The following HHLA1 variants were observed in gnomAD, a reference collection of about 807,000 sequenced individuals.
HHLA1 encodes HERV-H LTR-associating protein 1.
A neutral mutation model predicts 69.9 loss-of-function variants in HHLA1; 72 were observed. That is an observed-to-expected ratio of 1.03 (90% confidence interval 0.85 to 1.25). The LOEUF is 1.25. Among genes scored for constraint, HHLA1 ranks in the 50% most tolerant of loss-of-function variants. HHLA1 has a pLI of 0.00. For synonymous variants in HHLA1, 252 were observed against 233.2 expected (o/e 1.08, Z -0.73); for missense variants, 685 against 642.2 (o/e 1.07, Z -0.72).
chr8:132,065,854 A>G, intron 16 of HHLA1, 32 bp downstream of exon 16: 1 of 1,138,518 alleles, frequency 8.8e-7, no homozygotes, highest in Non-Finnish European at 1.2e-6. Flanking sequence ...CATTCACTGC[A>G]AAGTTACAAC....
intron 3 of HHLA1, chr8:132,101,129 T>C: frequency 1.3e-6 from 2 of 1,512,242 alleles, no homozygotes; most frequent in Middle Eastern, 1.7e-4. Flanking sequence ...GAGAAGGTGC[T>C]GTATTTTACA....
rs979062628 is a variant in HHLA1, at chr8:132,077,710, G to A, written c.1171+16C>T. On this transcript the variant is annotated intron_variant, in intron 12 of 16. Coordinates refer to ENST00000414222, the MANE Select transcript of HHLA1 (RefSeq NM_001145095.3). The stretch of plus-strand genomic sequence containing the variant: ...AATTTAAAACGGGAGAGGTAGAAGT[G>A]AGCACCCTCTCTTACCCAAGGTAGG... 3 of 1,550,052 alleles carry A rather than the reference G, an allele frequency of 1.9e-6. No homozygotes were observed. The highest frequency in any genetic ancestry group is 1.4e-5 in the African/African-American group (1 of 73,016).
chr8:132,106,500 T>C (rs1824204097), intron 1 of HHLA1, among the ~76,000 whole-genome samples: 1 of 152,234 alleles, frequency 6.6e-6, no homozygotes, highest in African/African-American at 2.4e-5. Context: ...GGTTACTCTC[T>C]GAATACCAAT....
At chr8:132,076,835 G>GA (rs1823654110) in intron 12 of HHLA1, among the ~76,000 whole-genome samples, 1 of 152,116 alleles carries the variant, frequency 6.6e-6, no homozygotes, top group African/African-American at 2.4e-5. Context: ...TGTTGTACAG[G>GA]AAGTGTCCAA....
At chr8:132,085,423 G>A (rs1365963735) in intron 10 of HHLA1, 1 of 379,918 alleles carries the variant, frequency 2.6e-6, no homozygotes, top group Non-Finnish European at 5.3e-6. Context: ...AAATTGGTGA[G>A]ATGTTTCTTG....
chr8:132,064,135 C>T (rs1823396386), intron 16 of HHLA1, 97 bp from the exon 17 acceptor site: 4 of 683,714 alleles, frequency 5.9e-6, no homozygotes, highest in Non-Finnish European at 8.7e-6. Flanking sequence ...AAGGGTCTAG[C>T]CTCTTCCGGA....
chr8:132,104,094 T>C lies in HHLA1; in HGVS notation c.139+14A>G, dbSNP rs1293419372. On this transcript the variant is annotated intron_variant, in intron 3 of 16. Transcript: ENST00000414222. ...GAACAGTGAGCTGAAAAGGAGCCCT[T>C]ATCACCCACTTACCTGTTGTAGGTA... 8 of 1,545,592 alleles carry C rather than the reference T, an allele frequency of 5.2e-6. No individual in the cohort carries two copies. In the Admixed American group the frequency reaches 9.8e-5, roughly 19 times the overall value.
intron 12 of HHLA1, 114 bp from the exon 13 acceptor site, chr8:132,076,657 A>G: frequency 1.8e-6 from 1 of 562,024 alleles, no homozygotes; most frequent in Admixed American, 3.9e-5. Flanking sequence ...TAAGCCAGGT[A>G]CCAGGCAGGG....
intron 11 of HHLA1, 114 bp from the exon 12 acceptor site, chr8:132,078,085 G>C: frequency 9.1e-7 from 1 of 1,095,834 alleles, no homozygotes; most frequent in Non-Finnish European, 1.3e-6. Context: ...ATGTGAACGT[G>C]TAATATAAGT....
chr8:132,087,937 A>C (rs1563745839), intron 8 of HHLA1, 36 bp from the exon 9 acceptor site: 20 of 1,461,042 alleles, frequency 1.4e-5, no homozygotes, highest in Non-Finnish European at 1.9e-5. Context: ...AGACTTAGCC[A>C]TGGGTCTGAA....
Position 132,078,581 on chromosome 8 carries a change from A to G in HHLA1, c.926-610T>C, listed in dbSNP as rs73353152. Among the ~76,000 whole-genome samples, 864 of 152,148 alleles carry G rather than the reference A, an allele frequency of 5.7e-3. 8 individuals are homozygous for G. Among genetic ancestry groups the G allele is most frequent in the African/African-American group, 0.02 (832 of 41,492 alleles). On this transcript the variant is annotated intron_variant, in intron 11 of 16. Transcript: ENST00000414222. Reference sequence around the variant, plus strand: ...TTTCCTTGCCTGCTGACACCTATCAATTCTTATCTCTTGGGGAAGCCTGTG... The same window carrying G: ...TTTCCTTGCCTGCTGACACCTATCAGTTCTTATCTCTTGGGGAAGCCTGTG...
chr8:132,083,260 G>C (rs1823792557), intron 10 of HHLA1, among the ~76,000 whole-genome samples: 1 of 152,228 alleles, frequency 6.6e-6, no homozygotes, highest in African/African-American at 2.4e-5. Context: ...GCTTAAAAGA[G>C]TATTGTCTAA....
At chr8:132,097,512 G>C (rs1162123136) in intron 5 of HHLA1, among the ~76,000 whole-genome samples, 1 of 152,208 alleles carries the variant, frequency 6.6e-6, no homozygotes, top group African/African-American at 2.4e-5. Context: ...ATTAGTCATT[G>C]GAAGAGTTTT....
At chr8:132,090,594 C>T (rs767710708) in intron 7 of HHLA1, among the ~76,000 whole-genome samples, 6 of 152,170 alleles carry the variant, frequency 3.9e-5, no homozygotes, top group Non-Finnish European at 7.3e-5. Flanking sequence ...ATGGGCACTA[C>T]TATGCAAGAA....
intron 7 of HHLA1, among the ~76,000 whole-genome samples, chr8:132,090,046 G>A (rs914180160): frequency 6.6e-6 from 1 of 152,210 alleles, no homozygotes; most frequent in Non-Finnish European, 1.5e-5. Context: ...ATTTAGTGGT[G>A]AGTTATAAAC....
chr8:132,104,654 G>T (rs1824173926), intron 2 of HHLA1, among the ~76,000 whole-genome samples: 1 of 152,180 alleles, frequency 6.6e-6, no homozygotes, highest in Non-Finnish European at 1.5e-5. Context: ...AGAATGGAAA[G>T]AAGGCCAACA....
intron 10 of HHLA1, among the ~76,000 whole-genome samples, chr8:132,082,275 T>G (rs1823765546): frequency 6.6e-6 from 1 of 152,204 alleles, no homozygotes; most frequent in Non-Finnish European, 1.5e-5. Context: ...GCATAGTTTG[T>G]GATTTTGAGG....
At chr8:132,068,883 G>A (rs1280216810) in intron 15 of HHLA1, among the ~76,000 whole-genome samples, 5 of 152,204 alleles carry the variant, frequency 3.3e-5, no homozygotes, top group African/African-American at 1.2e-4. Context: ...GACCCTGGGA[G>A]GGAGATGATA....
At chr8:132,106,462 C>G (rs1055857129) in intron 1 of HHLA1, among the ~76,000 whole-genome samples, 3 of 152,164 alleles carry the variant, frequency 2.0e-5, no homozygotes, top group Non-Finnish European at 2.9e-5. Flanking sequence ...CTGGGGCTTT[C>G]GTGGAATTCA....
Sources: gnomAD v4.1 joint callset for allele counts (sites outside exome capture counted in the v4.1 genomes callset) on GRCh38, gnomAD v4.1.1 for gene constraint, MANE v1.5 for transcripts, NCBI Gene and HGNC (gene_info 2026-07-23, HGNC 2026-07-21) for gene names.